Variants in ZNF385B observed in about 807,000 individuals in gnomAD.
ZNF385B encodes the protein zinc finger protein 533.
A neutral mutation model predicts 39.2 loss-of-function variants in ZNF385B; 23 were observed. That is an observed-to-expected ratio of 0.59 (90% CI 0.42 to 0.83). ZNF385B has a LOEUF of 0.83. Ranked by LOEUF, ZNF385B falls within the 40% of genes least tolerant of loss-of-function variation. ZNF385B has a pLI of 0.00. For missense variants in ZNF385B, 552 were observed against 598.9 expected (o/e 0.92, Z 0.82); for synonymous variants, 205 against 222.6 (o/e 0.92, Z 0.70).
intron 3 of ZNF385B, among the ~76,000 whole-genome samples, chr2:179,760,413 A>G (rs539485669): frequency 1.3e-5 from 2 of 152,288 alleles, no homozygotes; most frequent in South Asian, 4.1e-4. Flanking sequence ...AATGTTGTAT[A>G]AATGGAATTC....
chr2:179,809,404 C>T (rs753955505), intron 1 of ZNF385B, among the ~76,000 whole-genome samples: 2 of 152,088 alleles, frequency 1.3e-5, no homozygotes, highest in Non-Finnish European at 2.9e-5. Flanking sequence ...TTCATATTCA[C>T]GTGCAAACAT....
Position 179,553,996 on chromosome 2 carries a change from G to A in ZNF385B, c.299-9027C>T, listed in dbSNP as rs935321741. 6.7e-5 allele frequency among the ~76,000 whole-genome samples: 10 copies of A among 149,172 alleles called. 1 individual carries two copies. The highest frequency in any genetic ancestry group is 1.0e-4 in the African/African-American group (4 of 39,728). On this transcript the variant is annotated intron_variant, in intron 3 of 9. Transcript: ENST00000410066. ...TGCTTTCTTGTGCAACCTTGGACAA[G>A]TTATTTTACTTATTTATACCTCCAC... is the stretch of plus-strand genomic sequence containing the variant.
At chr2:179,705,894 T>C (rs779233357) in intron 3 of ZNF385B, among the ~76,000 whole-genome samples, 1 of 152,240 alleles carries the variant, frequency 6.6e-6, no homozygotes, top group African/African-American at 2.4e-5. Flanking sequence ...ACACAGGCTA[T>C]AGTTTGGTGA....
intron 3 of ZNF385B, among the ~76,000 whole-genome samples, chr2:179,667,830 A>G (rs759607824): frequency 1.3e-5 from 2 of 152,192 alleles, no homozygotes; most frequent in African/African-American, 2.4e-5. Context: ...ATGATTCCCT[A>G]TGATTTTCCA....
intron 5 of ZNF385B, among the ~76,000 whole-genome samples, chr2:179,513,473 C>G (rs10186717): frequency 0.73 from 110,850 of 152,124 alleles, 41,105 homozygotes; most frequent in East Asian, 0.91. Flanking sequence ...TGTCCACATC[C>G]CTATTAGTAA....
chr2:179,621,569 A>G (rs1339571956), intron 3 of ZNF385B, among the ~76,000 whole-genome samples: 1 of 152,234 alleles, frequency 6.6e-6, no homozygotes, highest in Non-Finnish European at 1.5e-5. Flanking sequence ...AAAGAAATGC[A>G]TGCAATTGGT....
At chr2:179,741,223 T>C (rs1044414733) in intron 3 of ZNF385B, among the ~76,000 whole-genome samples, 4 of 152,138 alleles carry the variant, frequency 2.6e-5, no homozygotes, top group African/African-American at 9.7e-5. Flanking sequence ...ACTCCAAATA[T>C]GTTGTCCATA....
At chr2:179,492,528 T>A (rs527433102) in intron 5 of ZNF385B, among the ~76,000 whole-genome samples, 1 of 152,308 alleles carries the variant, frequency 6.6e-6, no homozygotes, top group East Asian at 1.9e-4. Context: ...GAATTTACAT[T>A]GTGTCTCCTT....
chr2:179,524,395 A>G (rs1251521233), intron 4 of ZNF385B, among the ~76,000 whole-genome samples: 1 of 151,026 alleles, frequency 6.6e-6, no homozygotes, highest in African/African-American at 2.4e-5. Flanking sequence ...TACTAAAAAT[A>G]AAAAAAATTA....
At chr2:179,522,826 CT>C (rs912876920) in intron 4 of ZNF385B, 3 of 378,960 alleles carry the variant, frequency 7.9e-6, no homozygotes, top group East Asian at 1.6e-4. Context: ...ACTAAAGATG[CT>C]TTTTTAAAGA....
intron 3 of ZNF385B, among the ~76,000 whole-genome samples, chr2:179,564,043 C>G (rs1684258783): frequency 6.6e-6 from 1 of 152,078 alleles, no homozygotes; most frequent in Non-Finnish European, 1.5e-5. Flanking sequence ...TAGTTTAGTT[C>G]AGTAGTACAC....
chr2:179,689,783 A>ATGTG lies in ZNF385B; in HGVS notation c.298+79716_298+79719dup, dbSNP rs112957152. On this transcript the variant is annotated intron_variant, in intron 3 of 9. Transcript: ENST00000410066. ...TGAAGAAGAGCGTGAGGGCAGGGGC[A>ATGTG]TGTGTGTGTGTGTGTGTGTGTGTGT... Among the ~76,000 whole-genome samples, 473 of 130,092 alleles carry ATGTG rather than the reference A, an allele frequency of 3.6e-3. 4 individuals are homozygous for ATGTG. Among genetic ancestry groups the ATGTG allele is most frequent in the Admixed American group, 0.017 (220 of 12,766 alleles). 85.3% of individuals were successfully genotyped at this position (130,092 alleles called of 152,430 possible).
rs1211422210 is a variant in ZNF385B, at chr2:179,443,475, G to A, written c.1243-7C>T. 6.3e-7 allele frequency: 1 copy of A among 1,582,636 alleles called. No homozygotes were observed. Among genetic ancestry groups the A allele is most frequent in the Non-Finnish European group, 8.6e-7 (1 of 1,163,552 alleles). On this transcript the variant is annotated splice_polypyrimidine_tract_variant and splice_region_variant and intron_variant, in intron 9 of 9. Transcript: ENST00000410066. ...TCTGGAATGCAAGTTTTGCCTAAGG[G>A]AGGGAGAAAACCAGGAATGGGGTGG...
chr2:179,493,635 G>GCA (rs1217427498), intron 5 of ZNF385B, among the ~76,000 whole-genome samples: 5 of 106,120 alleles, frequency 4.7e-5, no homozygotes, highest in African/African-American at 1.0e-4. Context: ...ATACGCATAT[G>GCA]TATACACATA....
chr2:179,753,828 T>G (rs1702840628), intron 3 of ZNF385B, among the ~76,000 whole-genome samples: 1 of 152,224 alleles, frequency 6.6e-6, no homozygotes, highest in Non-Finnish European at 1.5e-5. Context: ...TAAGGAGATT[T>G]TGGGCTGAGA....
chr2:179,738,418 G>A (rs982239165), intron 3 of ZNF385B, among the ~76,000 whole-genome samples: 1 of 152,090 alleles, frequency 6.6e-6, no homozygotes, highest in African/African-American at 2.4e-5. Flanking sequence ...GCAAAGAGCA[G>A]GACTCCAACC....
chr2:179,756,451 T>G (rs571210859), intron 3 of ZNF385B, among the ~76,000 whole-genome samples: 1 of 152,170 alleles, frequency 6.6e-6, no homozygotes, highest in Non-Finnish European at 1.5e-5. Flanking sequence ...GTGACAATTA[T>G]GTGTCTTGGA....
chr2:179,812,445 G>C (rs1056001033), intron 1 of ZNF385B, among the ~76,000 whole-genome samples: 3 of 152,164 alleles, frequency 2.0e-5, no homozygotes, highest in African/African-American at 7.2e-5. Context: ...ATACATCATG[G>C]AATACTATGT....
intron 3 of ZNF385B, among the ~76,000 whole-genome samples, chr2:179,649,507 T>G (rs1266767817): frequency 6.6e-6 from 1 of 152,218 alleles, no homozygotes; most frequent in Non-Finnish European, 1.5e-5. Flanking sequence ...ATTGCAGATT[T>G]TCTGTAATTT....
Sources: gnomAD v4.1 joint callset for allele counts (sites outside exome capture counted in the v4.1 genomes callset) on GRCh38, gnomAD v4.1.1 for gene constraint, MANE v1.5 for transcripts, NCBI Gene and HGNC (gene_info 2026-07-23, HGNC 2026-07-21) for gene names.